The following MALRD1 variants were observed in gnomAD, a reference collection of about 807,000 sequenced individuals.
The protein encoded by MALRD1 is MAM and LDL receptor class A domain containing 1.
MALRD1 carries 247 observed loss-of-function variants against 242.1 expected under a neutral mutation model. That is an observed-to-expected ratio of 1.02 (90% confidence interval 0.92 to 1.13). MALRD1 has a LOEUF of 1.13. Among genes scored for constraint, MALRD1 ranks in the 50% most tolerant of loss-of-function variants. The pLI is 0.00. For synonymous variants in MALRD1, 995 were observed against 866.6 expected (o/e 1.15, Z -2.60); for missense variants, 2,989 against 2,533.1 (o/e 1.18, Z -3.86).
intron 21 of MALRD1, among the ~76,000 whole-genome samples, chr10:19,295,817 T>C (rs1841666631): frequency 6.6e-6 from 1 of 152,114 alleles, no homozygotes; most frequent in Non-Finnish European, 1.5e-5. Flanking sequence ...GCCTGGAGAT[T>C]TGTTAAAACA....
At chr10:19,242,980 A>T (rs528414984) in intron 18 of MALRD1, among the ~76,000 whole-genome samples, 134 of 150,680 alleles carry the variant, frequency 8.9e-4, no homozygotes, top group African/African-American at 3.1e-3. Context: ...TGTTTTTTAG[A>T]TTACTTGTTC....
intron 35 of MALRD1, among the ~76,000 whole-genome samples, chr10:19,613,716 T>C (rs1839005189): frequency 6.6e-6 from 1 of 152,122 alleles, no homozygotes; most frequent in African/African-American, 2.4e-5. Flanking sequence ...ATCTTGGCCC[T>C]GCTGGGCCGA....
intron 33 of MALRD1, among the ~76,000 whole-genome samples, chr10:19,591,763 G>C (rs374280759): frequency 6.6e-6 from 1 of 152,102 alleles, no homozygotes; most frequent in Non-Finnish European, 1.5e-5. Context: ...CTCCCAAACT[G>C]TTGGGATTAC....
intron 28 of MALRD1, among the ~76,000 whole-genome samples, chr10:19,448,752 T>A (rs957570403): frequency 6.6e-6 from 1 of 151,926 alleles, no homozygotes; most frequent in Non-Finnish European, 1.5e-5. Context: ...ATTAAAAAAT[T>A]TTATGTAAAA....
At chr10:19,680,044 T>G (rs1317226558) in intron 36 of MALRD1, among the ~76,000 whole-genome samples, 1 of 152,134 alleles carries the variant, frequency 6.6e-6, no homozygotes, top group African/African-American at 2.4e-5. Flanking sequence ...TGCTGAAGAG[T>G]GTTTTACTTC....
In MALRD1 at chr10:19,244,792, A is replaced by G. The variant is rs1174130604; in HGVS notation, c.2992-12892A>G. On this transcript the variant is annotated intron_variant, in intron 18 of 39. Coordinates refer to ENST00000454679, the MANE Select transcript of MALRD1 (RefSeq NM_001142308.3). ...TTGAGGTTTGATTATTGCAGAGATC[A>G]ATTGCCAGACCAAATATAGACTAAT... 2.6e-5 allele frequency among the ~76,000 whole-genome samples: 4 copies of G among 152,168 alleles called. 1 individual carries two copies. The highest frequency in any genetic ancestry group is 9.6e-5 in the African/African-American group (4 of 41,456).
Position 19,070,836 on chromosome 10 carries a change from CTTTTTTT to C in MALRD1, c.340+4001_340+4007del, listed in dbSNP as rs3042437. ...AAGTTGCATAGACTCAAATGACAAA[CTTTTTTT>C]TTTTTTTTTTTTTTTTTTTTTTTCC... On this transcript the variant is annotated intron_variant, in intron 2 of 39. Transcript: ENST00000454679. Among the ~76,000 whole-genome samples the C allele has an allele frequency of 7.8e-3, 408 of 52,472 alleles. 3 individuals carry two copies. The highest frequency in any genetic ancestry group is 0.023 in the African/African-American group (323 of 13,996). 34.4% of individuals were successfully genotyped at this position (52,472 alleles called of 152,430 possible). A position where few individuals can be genotyped will look rare whatever the true frequency, so the allele number is the denominator to read the frequency against.
chr10:19,373,201 TACA>T (rs1564603598), intron 26 of MALRD1, among the ~76,000 whole-genome samples: 1 of 31,434 alleles, frequency 3.2e-5, no homozygotes. Context: ...AAACGCTAAA[TACA>T]AAAAAAAAAA....
chr10:19,102,536 T>G (rs1836305272), intron 4 of MALRD1, among the ~76,000 whole-genome samples: 1 of 152,134 alleles, frequency 6.6e-6, no homozygotes, highest in African/African-American at 2.4e-5. Flanking sequence ...ATCTGTTGTG[T>G]TTTGCTGCAT....
chr10:19,526,077 T>C (rs1260973204), intron 31 of MALRD1, among the ~76,000 whole-genome samples: 1 of 151,726 alleles, frequency 6.6e-6, no homozygotes, highest in Non-Finnish European at 1.5e-5. Context: ...TATTATCTGC[T>C]TTAATATATT....
chr10:19,322,095 A>G (rs919774221), intron 21 of MALRD1, among the ~76,000 whole-genome samples: 1 of 152,148 alleles, frequency 6.6e-6, no homozygotes, highest in African/African-American at 2.4e-5. Context: ...ATAATTTTCA[A>G]TGAAGTATAA....
intron 28 of MALRD1, among the ~76,000 whole-genome samples, chr10:19,410,863 G>A (rs1300056337): frequency 6.6e-6 from 1 of 152,128 alleles, no homozygotes; most frequent in East Asian, 1.9e-4. Flanking sequence ...CTGAATTTGT[G>A]TACAAGAACA....
intron 18 of MALRD1, among the ~76,000 whole-genome samples, chr10:19,210,104 A>G (rs1373378037): frequency 6.6e-6 from 1 of 152,188 alleles, no homozygotes; most frequent in East Asian, 1.9e-4. Flanking sequence ...TTATTCAACA[A>G]TCAGTTCCTC....
At chr10:19,143,082 A>G (rs1035815270) in intron 10 of MALRD1, among the ~76,000 whole-genome samples, 1 of 152,226 alleles carries the variant, frequency 6.6e-6, no homozygotes, top group Non-Finnish European at 1.5e-5. Context: ...GGATTTTGAA[A>G]GCTAATTTTC....
At chr10:19,263,771 C>A (rs1564512795) in intron 19 of MALRD1, among the ~76,000 whole-genome samples, 1 of 151,918 alleles carries the variant, frequency 6.6e-6, no homozygotes, top group Admixed American at 6.6e-5. Flanking sequence ...TCTGTGCTTT[C>A]TATTATGCTC....
chr10:19,693,355 C>A (rs1833201042), intron 38 of MALRD1, among the ~76,000 whole-genome samples: 2 of 152,048 alleles, frequency 1.3e-5, no homozygotes, highest in African/African-American at 4.8e-5. Flanking sequence ...TCTCCTTAAG[C>A]TGATAGGCAA....
chr10:19,167,155 C>T (rs866583584), intron 13 of MALRD1, among the ~76,000 whole-genome samples: 3 of 151,970 alleles, frequency 2.0e-5, no homozygotes, highest in Non-Finnish European at 4.4e-5. Flanking sequence ...ATCAGGAGAT[C>T]GAGACCATCC....
rs544193768 is a variant in MALRD1, at chr10:19,215,074, G to A, written c.2991+5394G>A. On this transcript the variant is annotated intron_variant, in intron 18 of 39. Transcript: ENST00000454679. ...CTCTTGAGTGATCCCCTTTTGCTTT[G>A]ACTGGACCACTTCCACCTTTTGGTA... Among the ~76,000 whole-genome samples the A allele has an allele frequency of 2.0e-5, 3 of 152,242 alleles. No individual in the cohort carries two copies. The South Asian group carries it at 6.2e-4, about 32-fold the overall frequency.
At chr10:19,113,834 C>CACACACACACACACAG (rs1836777286) in intron 5 of MALRD1, among the ~76,000 whole-genome samples, 4 of 149,898 alleles carry the variant, frequency 2.7e-5, no homozygotes, top group African/African-American at 9.8e-5. Flanking sequence ...CACACACAGA[C>CACACACACACACACAG]ACACACACAC....
Sources: allele counts gnomAD v4.1 joint callset (sites outside exome capture counted in the v4.1 genomes callset), GRCh38; gene constraint gnomAD v4.1.1; transcripts MANE v1.5; gene names NCBI Gene and HGNC (gene_info 2026-07-23, HGNC 2026-07-21).